Variants in PTPRM observed in about 807,000 individuals in gnomAD.
PTPRM encodes the protein receptor-type tyrosine-protein phosphatase mu.
In PTPRM, 47 loss-of-function variants were observed where a neutral mutation model predicts 186.7. The observed-to-expected ratio is 0.25, with a 90% CI of 0.20 to 0.32. PTPRM has a LOEUF of 0.32. PTPRM is among the 10% of genes least tolerant of loss of function. The pLI is 1.00. For synonymous variants in PTPRM, 668 were observed against 674.9 expected (o/e 0.99, Z 0.16); for missense variants, 1,494 against 1,865.0 (o/e 0.80, Z 3.66).
At chr18:8,034,442 A>T (rs1472452230) in intron 7 of PTPRM, among the ~76,000 whole-genome samples, 2 of 152,156 alleles carry the variant, frequency 1.3e-5, no homozygotes, top group African/African-American at 4.8e-5. Context: ...CAAAATCTCC[A>T]TTCATCTGTA....
chr18:7,911,125 C>G (rs1351133208), intron 4 of PTPRM, among the ~76,000 whole-genome samples: 2 of 152,114 alleles, frequency 1.3e-5, no homozygotes, highest in African/African-American at 4.8e-5. Flanking sequence ...TTCTTAAAAC[C>G]AAATAGTATT....
intron 1 of PTPRM, among the ~76,000 whole-genome samples, chr18:7,752,339 C>A (rs1369582302): frequency 6.6e-6 from 1 of 152,054 alleles, no homozygotes; most frequent in East Asian, 1.9e-4. Flanking sequence ...GTATGCTAGG[C>A]CTCGAATATA....
intron 7 of PTPRM, among the ~76,000 whole-genome samples, chr18:7,955,746 C>T (rs947275396): frequency 6.6e-6 from 1 of 152,200 alleles, no homozygotes; most frequent in Non-Finnish European, 1.5e-5. Flanking sequence ...AGGTCAGACT[C>T]TCTTACTTGG....
intron 7 of PTPRM, among the ~76,000 whole-genome samples, chr18:8,043,093 G>T (rs1010984090): frequency 1.3e-5 from 2 of 152,172 alleles, no homozygotes; most frequent in Admixed American, 6.5e-5. Context: ...CTGACCTCAT[G>T]CAAGGGAGAT....
chr18:7,584,664 A>G (rs1405268013), intron 1 of PTPRM, among the ~76,000 whole-genome samples: 2 of 152,086 alleles, frequency 1.3e-5, no homozygotes, highest in African/African-American at 2.4e-5. Context: ...CCTCAGTTCT[A>G]TAAACGGAAA....
chr18:7,662,387 A>T (rs1347519421), intron 1 of PTPRM, among the ~76,000 whole-genome samples: 1 of 152,254 alleles, frequency 6.6e-6, no homozygotes, highest in Non-Finnish European at 1.5e-5. Context: ...GCCATAAAAA[A>T]GAATGAGATC....
chr18:8,348,586 C>T (rs968528450), intron 23 of PTPRM, among the ~76,000 whole-genome samples: 13 of 152,190 alleles, frequency 8.5e-5, no homozygotes, highest in Non-Finnish European at 1.8e-4. Context: ...ACCTGAGGGA[C>T]ATTTAGTTTC....
chr18:8,221,589 G>T (rs1269489190), intron 14 of PTPRM, among the ~76,000 whole-genome samples: 4 of 152,136 alleles, frequency 2.6e-5, no homozygotes, highest in Non-Finnish European at 5.9e-5. Context: ...CAAAAGTGAG[G>T]TACAACAGCT....
At position 7,946,045 on chromosome 18, in the gene PTPRM, G is replaced by C. The variant is rs138224068; in HGVS notation, c.664-3136G>C. On this transcript the variant is annotated intron_variant, in intron 5 of 32. Coordinates refer to ENST00000580170, the MANE Select transcript of PTPRM (RefSeq NM_001105244.2). ...AAGGCTCATTCCTGAGCATTCATAT[G>C]ACTCACTAGAGTCACGCAGGGCTCC... Among the ~76,000 whole-genome samples, 10 of 152,288 alleles carry C rather than the reference G, an allele frequency of 6.6e-5. No homozygotes were observed. The East Asian group carries it at 1.7e-3, about 26-fold the overall frequency.
At chr18:8,017,997 A>G (rs995822351) in intron 7 of PTPRM, 1 of 152,194 alleles carries the variant, frequency 6.6e-6, no homozygotes, top group Non-Finnish European at 1.5e-5. Flanking sequence ...AAGAACTACT[A>G]AAATGTTACA....
chr18:8,401,496 T>G (rs1450815192), intron 32 of PTPRM, among the ~76,000 whole-genome samples: 1 of 152,070 alleles, frequency 6.6e-6, no homozygotes, highest in Non-Finnish European at 1.5e-5. Context: ...AGGGCATCAC[T>G]CAGAAGAATT....
chr18:7,645,476 A>G (rs1390229087), intron 1 of PTPRM, among the ~76,000 whole-genome samples: 2 of 152,204 alleles, frequency 1.3e-5, no homozygotes, highest in South Asian at 2.1e-4. Flanking sequence ...TAAAAAATAA[A>G]GACATTTTGA....
intron 7 of PTPRM, among the ~76,000 whole-genome samples, chr18:8,062,027 C>G (rs931722720): frequency 1.2e-5 from 1 of 84,706 alleles, no homozygotes; most frequent in Non-Finnish European, 2.4e-5. Flanking sequence ...TGGGGAAGTT[C>G]TCCTGGATAA....
At chr18:7,842,506 A>C (rs2046373998) in intron 2 of PTPRM, among the ~76,000 whole-genome samples, 3 of 152,136 alleles carry the variant, frequency 2.0e-5, no homozygotes, top group African/African-American at 7.2e-5. Flanking sequence ...ATATTTTTAG[A>C]TGAGATTAAC....
At position 8,273,672 on chromosome 18, in the gene PTPRM, T is replaced by C. The variant is rs71362022; in HGVS notation, c.2754+20258T>C. ...AAAACATATTCTCAGGCATCAGAGG[T>C]TGTGGGGATTCAGCAGTATGGTAGG... On this transcript the variant is annotated intron_variant, in intron 19 of 32. Coordinates refer to ENST00000580170, the MANE Select transcript of PTPRM (RefSeq NM_001105244.2). Among the ~76,000 whole-genome samples the C allele has an allele frequency of 7.6e-3, 1,159 of 152,242 alleles. 7 individuals are homozygous for C. The highest frequency in any genetic ancestry group is 0.027 in the Middle Eastern group (8 of 294).
intron 7 of PTPRM, among the ~76,000 whole-genome samples, chr18:8,037,136 G>T (rs1336331857): frequency 1.3e-5 from 2 of 152,158 alleles, no homozygotes; most frequent in African/African-American, 4.8e-5. Context: ...AAGATAAGGA[G>T]AAAAGTCTAT....
intron 1 of PTPRM, among the ~76,000 whole-genome samples, chr18:7,590,831 G>A (rs995311411): frequency 2.6e-5 from 4 of 152,224 alleles, no homozygotes. Context: ...GTTAATTATA[G>A]ATAGTGGATT....
chr18:8,306,431 T>G (rs1009086045), intron 20 of PTPRM, among the ~76,000 whole-genome samples: 2 of 152,110 alleles, frequency 1.3e-5, no homozygotes, highest in Non-Finnish European at 2.9e-5. Flanking sequence ...TCCTGCAAAA[T>G]GTGAATGTGA....
At chr18:7,965,061 G>A (rs1439171864) in intron 7 of PTPRM, among the ~76,000 whole-genome samples, 1 of 114,836 alleles carries the variant, frequency 8.7e-6, no homozygotes, top group Non-Finnish European at 1.8e-5. Context: ...TTTTGAGACG[G>A]AGTTTCGCTC....
Sources: gnomAD v4.1 joint callset for allele counts (sites outside exome capture counted in the v4.1 genomes callset) on GRCh38, gnomAD v4.1.1 for gene constraint, MANE v1.5 for transcripts, NCBI Gene and HGNC (gene_info 2026-07-23, HGNC 2026-07-21) for gene names.